The following CADM3 variants were observed in gnomAD, a reference collection of about 807,000 sequenced individuals.
CADM3 encodes the protein cell adhesion molecule 3, also known as TSLC1-like 1.
Under a neutral mutation model 44.9 loss-of-function variants are expected in CADM3, and 11 were observed. That is an observed-to-expected ratio of 0.25 (90% CI 0.15 to 0.41). CADM3 has a LOEUF of 0.41. CADM3 is among the 10% of genes least tolerant of loss of function. CADM3 has a pLI of 1.00. For synonymous variants in CADM3, 207 were observed against 205.2 expected, an observed-to-expected ratio of 1.01 and a Z score of -0.08; for missense variants, 426 against 512.0, an observed-to-expected ratio of 0.83 and a Z score of 1.62.
chr1:159,180,469 G>A (rs1220663974), intron 1 of CADM3, among the ~76,000 whole-genome samples: 3 of 152,122 alleles, frequency 2.0e-5, no homozygotes, highest in African/African-American at 4.8e-5. Flanking sequence ...TTTCCATTTC[G>A]GGGACTGTGA....
rs1333050936 is a variant in CADM3 at position 159,191,921 on chromosome 1, C to CTT, written c.89-14_89-13dup. The CTT allele has an allele frequency of 6.2e-7, 1 of 1,613,750 alleles. No homozygotes were observed. Among genetic ancestry groups the CTT allele is most frequent in the African/African-American group, 1.3e-5 (1 of 74,866 alleles). On this transcript the variant is annotated splice_polypyrimidine_tract_variant and intron_variant, in intron 1 of 8. Coordinates refer to ENST00000368125, the MANE Select transcript of CADM3 (RefSeq NM_001127173.3). ...TAGGGGTCCTCAGGAAACTAACACT[C>CTT]TTCTACTCCTGCAGACAGCCAGCCC...
rs1024359216 is a variant in CADM3, at chr1:159,201,077, G to A, written c.*155G>A. The A allele has an allele frequency of 1.8e-5, 7 of 379,574 alleles. No homozygotes were observed. Among genetic ancestry groups the A allele is most frequent in the African/African-American group, 1.1e-4 (5 of 46,582 alleles). The allele number at this position is 379,574 out of a possible 1,614,324, so 23.5% of individuals were successfully genotyped here. A position where few individuals can be genotyped will look rare whatever the true frequency, so the allele number is the denominator to read the frequency against. ...TGTACAGAATGTCTGCTTTGGGTGCGGTTTTGTACTCGGTTTGGAATGGGG... is the reference window on the plus strand; with the variant it reads ...TGTACAGAATGTCTGCTTTGGGTGCAGTTTTGTACTCGGTTTGGAATGGGG... On this transcript the variant is annotated 3_prime_UTR_variant, in exon 9 of 9. Coordinates refer to ENST00000368125, the MANE Select transcript of CADM3 (RefSeq NM_001127173.3).
rs1650288401 is a variant in CADM3 at position 159,202,951 on chromosome 1, C to T, written c.*2029C>T. The T allele has an allele frequency of 1.4e-5, 2 of 139,776 alleles. No homozygotes were observed. The highest frequency in any genetic ancestry group is 4.4e-4 in the East Asian group (2 of 4,546). The allele number at this position is 139,776 out of a possible 1,614,324, so 8.7% of individuals were successfully genotyped here. Reference sequence around the variant, plus strand: ...TCCTCTTCAAGCTGAACCACTCTGTCCATATTACACAGAAGCCATATTTGT... The same window carrying T: ...TCCTCTTCAAGCTGAACCACTCTGTTCATATTACACAGAAGCCATATTTGT... On this transcript the variant is annotated 3_prime_UTR_variant, in exon 9 of 9. Transcript: ENST00000368125.
At chr1:159,185,780 G>C (rs1282909256) in intron 1 of CADM3, among the ~76,000 whole-genome samples, 2 of 152,110 alleles carry the variant, frequency 1.3e-5, no homozygotes, top group Non-Finnish European at 2.9e-5. Context: ...TCTTACAGTA[G>C]AAGATGCTTA....
chr1:159,197,487 T>C (rs1254694654), intron 7 of CADM3: 1 of 164,894 alleles, frequency 6.1e-6, no homozygotes, highest in African/African-American at 2.4e-5. Context: ...CATTTTTTTT[T>C]CTGCCCACCT....
chr1:159,176,319 C>T (rs937820657), intron 1 of CADM3, among the ~76,000 whole-genome samples: 1 of 152,076 alleles, frequency 6.6e-6, no homozygotes, highest in African/African-American at 2.4e-5. Context: ...ACTATAGGCC[C>T]ATGTACTAGA....
intron 1 of CADM3, chr1:159,178,602 A>ATAACCACCTT (rs1235239252): frequency 6.6e-6 from 1 of 152,226 alleles, no homozygotes; most frequent in Non-Finnish European, 1.5e-5. Flanking sequence ...CCCCACCTTT[A>ATAACCACCTT]TAACCACCTT....
chr1:159,189,943 A>ATGT lies in CADM3; in HGVS notation c.89-1990_89-1988dup, dbSNP rs1039496034. 75 of 1,049,950 alleles carry ATGT rather than the reference A, an allele frequency of 7.1e-5. No homozygotes were observed. The Admixed American group carries it at 9.7e-4, about 14-fold the overall frequency. The allele number at this position is 1,049,950 out of a possible 1,614,324, so 65.0% of individuals were successfully genotyped here. On this transcript the variant is annotated intron_variant, in intron 1 of 8. Transcript: ENST00000368125. The stretch of plus-strand genomic sequence containing the variant: ...CTCATCCTCACATCCTCTCCCACTC[A>ATGT]TGTTGCCTTCACCACATGTTCTCAC...
Position 159,196,414 on chromosome 1 carries a change from C to T in CADM3, c.742C>T (p.Gln248Ter). 1 of 1,614,124 alleles carries T rather than the reference C, an allele frequency of 6.2e-7. No homozygotes were observed. The highest frequency in any genetic ancestry group is 8.5e-7 in the Non-Finnish European group (1 of 1,180,008). ...RPDPPHPREG[Q>*]KLLLHCEGRG... ...AGACCCTCCCCATCCTCGTGAGGGC[C>T]AGAAGCTGTTGCTACACTGTGAGGG... is the stretch of plus-strand genomic sequence containing the variant. Residue 248 changes from glutamine (Q) to a stop codon, truncating the protein, a stop_gained, in exon 6 of 9, where the codon CAG (glutamine) becomes TAG (stop). Transcript: ENST00000368125. LOFTEE classifies it high-confidence loss of function.
intron 4 of CADM3, 139 bp from the exon 5 acceptor site, chr1:159,193,731 C>A: frequency 7.0e-7 from 1 of 1,425,840 alleles, no homozygotes; most frequent in Non-Finnish European, 9.7e-7. Flanking sequence ...ATTCTCCCTG[C>A]CACAACTTTC....
At chr1:159,189,973 C>A in intron 1 of CADM3, 1 of 756,390 alleles carries the variant, frequency 1.3e-6, no homozygotes. Context: ...TCTCACTCCT[C>A]TCATTACCAC....
chr1:159,193,294 C>G (rs1649745853), intron 3 of CADM3, 129 bp from the exon 4 acceptor site: 1 of 997,388 alleles, frequency 1.0e-6, no homozygotes, highest in African/African-American at 1.6e-5. Flanking sequence ...GATGATTTAT[C>G]TAGTCTTCTA....
chr1:159,197,999 C>CGAG (rs1649980633), intron 7 of CADM3: 3 of 152,202 alleles, frequency 2.0e-5, no homozygotes, highest in Admixed American at 2.0e-4. Context: ...CACTGAGCTC[C>CGAG]GGTCTCTGCC....
intron 2 of CADM3, among the ~76,000 whole-genome samples, chr1:159,192,307 C>CT (rs1649699503): frequency 1.3e-5 from 2 of 152,116 alleles, no homozygotes; most frequent in Admixed American, 6.5e-5. Context: ...AGGAGGAACT[C>CT]TAACAGGAAG....
In CADM3 at chr1:159,189,724, A is replaced by G. The variant is rs769430045; in HGVS notation, c.89-2212A>G. On this transcript the variant is annotated intron_variant, in intron 1 of 8. Coordinates refer to ENST00000368125, the MANE Select transcript of CADM3 (RefSeq NM_001127173.3). ...CAATGAAAGTAGAGCCCCACACTGT[A>G]GCAGGATACATGTAGGGCTCATGCT... 3.6e-6 allele frequency: 5 copies of G among 1,379,428 alleles called. No individual in the cohort carries two copies. In the Admixed American group the frequency reaches 7.4e-5, roughly 20 times the overall value. 85.4% of individuals were successfully genotyped at this position (1,379,428 alleles called of 1,614,324 possible).
chr1:159,188,851 G>A (rs945386095), intron 1 of CADM3, among the ~76,000 whole-genome samples: 1 of 152,128 alleles, frequency 6.6e-6, no homozygotes, highest in Non-Finnish European at 1.5e-5. Context: ...TTGTCTGCAG[G>A]GGGATGTAGG....
chr1:159,198,971 G>A lies in CADM3; in HGVS notation c.953-780G>A, dbSNP rs76245051. ...ACTTTGAGGGTGGCAAAGTGAAGAC[G>A]GAGTCCCAGGCCTCCTCCTTGGGAA... is the stretch of plus-strand genomic sequence containing the variant. On this transcript the variant is annotated intron_variant, in intron 7 of 8. Coordinates refer to ENST00000368125, the MANE Select transcript of CADM3 (RefSeq NM_001127173.3). Among the ~76,000 whole-genome samples the A allele has an allele frequency of 5.8e-3, 879 of 152,238 alleles. 3 individuals carry two copies. Among genetic ancestry groups the A allele is most frequent in the Non-Finnish European group, 7.8e-3 (528 of 68,014 alleles).
intron 7 of CADM3, among the ~76,000 whole-genome samples, chr1:159,198,605 G>C (rs1205821607): frequency 6.6e-6 from 1 of 152,134 alleles, no homozygotes; most frequent in Non-Finnish European, 1.5e-5. Context: ...ACATAAGGTA[G>C]GAAAGACAAA....
intron 1 of CADM3, among the ~76,000 whole-genome samples, chr1:159,187,814 C>A (rs941601146): frequency 6.6e-6 from 1 of 152,096 alleles, no homozygotes; most frequent in African/African-American, 2.4e-5. Flanking sequence ...CACTCACCAC[C>A]TTCAGGTTGC....
Sources: allele counts gnomAD v4.1 joint callset (sites outside exome capture counted in the v4.1 genomes callset), GRCh38; gene constraint gnomAD v4.1.1; transcripts MANE v1.5; gene names NCBI Gene and HGNC (gene_info 2026-07-23, HGNC 2026-07-21).